FBXW2: variants seen among roughly 807,000 people sequenced by gnomAD.
FBXW2 encodes F-box/WD repeat-containing protein 2.
Under a neutral mutation model 46.0 loss-of-function variants are expected in FBXW2, and 12 were observed. The ratio of observed to expected loss-of-function variants is 0.26; its 90% confidence interval spans 0.17 to 0.42. The LOEUF (loss-of-function observed/expected upper bound fraction) is 0.42. Among genes scored for constraint, FBXW2 ranks in the 10% least tolerant of loss-of-function variants. The pLI, the probability that FBXW2 is intolerant of heterozygous loss-of-function variation, is 1.00. For missense variants in FBXW2, 360 were observed against 537.0 expected (o/e 0.67, Z 3.26); for synonymous variants, 203 against 209.6 (o/e 0.97, Z 0.27).
intron 7 of FBXW2, among the ~76,000 whole-genome samples, chr9:120,770,510 G>A (rs2044356903): frequency 1.3e-5 from 2 of 152,152 alleles, no homozygotes; most frequent in Non-Finnish European, 2.9e-5. Flanking sequence ...AGTACAGTAG[G>A]TTCAACAAAT....
At chr9:120,781,945 C>A in intron 3 of FBXW2, among the ~76,000 whole-genome samples, 1 of 150,658 alleles carries the variant, frequency 6.6e-6, no homozygotes. Flanking sequence ...ATTGCTTGAA[C>A]CCGGGAGGCG....
chr9:120,787,635 G>A lies in FBXW2; in HGVS notation c.490+134C>T, dbSNP rs1353558504. 4 of 870,122 alleles carry A rather than the reference G, an allele frequency of 4.6e-6. No individual in the cohort carries two copies. In the East Asian group the frequency reaches 1.1e-4, roughly 23 times the overall value. The allele number at this position is 870,122 out of a possible 1,614,324, so 53.9% of individuals were successfully genotyped here. On this transcript the variant is annotated intron_variant, in intron 3 of 7. Transcript: ENST00000608872. ...GAGGATAAGGGGGGGGAACCACTCA[G>A]GATTAGAGAAAAAAAGTCACTGTAC...
Position 120,776,068 on chromosome 9 carries a change from G to T in FBXW2, c.819+25C>A, listed in dbSNP as rs72758110. The stretch of plus-strand genomic sequence containing the variant: ...CCTCCCTCAAAAAGCCTGATAAGCA[G>T]GAGACTTCTTCCAAGTCTTCCTACC... On this transcript the variant is annotated intron_variant, in intron 5 of 7. Coordinates refer to ENST00000608872, the MANE Select transcript of FBXW2 (RefSeq NM_012164.4). 40,658 of 1,612,560 alleles carry T rather than the reference G, an allele frequency of 0.025. 3,183 individuals are homozygous for T. In the East Asian group the frequency reaches 0.34, roughly 14 times the overall value.
Position 120,771,363 on chromosome 9 carries a change from C to G in FBXW2, c.1061G>C (p.Ser354Thr), listed in dbSNP as rs761290792. Residue 354 changes from serine (S) to threonine (T), a missense_variant, in exon 7 of 8, where the codon AGT (serine) becomes ACT (threonine). By Grantham distance (58) the Ser-to-Thr change is moderately conservative. Coordinates refer to ENST00000608872, the MANE Select transcript of FBXW2 (RefSeq NM_012164.4). ...ALGLYQWDFA[S>T]YDILRVIKTP... is the part of the protein sequence containing the mutation. ...GAAACATTACCTGAGAATATCATAA[C>G]TGGCAAAGTCCCACTGGTAGAGACC... is the stretch of plus-strand genomic sequence containing the variant. 3.1e-6 allele frequency: 5 copies of G among 1,609,350 alleles called. No individual in the cohort carries two copies. The African/African-American group carries it at 6.7e-5, about 22-fold the overall frequency.
Position 120,762,017 on chromosome 9 carries a change from G to A in FBXW2, c.*2542C>T, listed in dbSNP as rs987682920. On this transcript the variant is annotated 3_prime_UTR_variant, in exon 8 of 8. Transcript: ENST00000608872. Reference sequence around the variant, plus strand: ...TAGGGTGGGGATGGTCATTAGATCAGTAATAGTTATCTGTTCAGGCTCGAT... The same window carrying A: ...TAGGGTGGGGATGGTCATTAGATCAATAATAGTTATCTGTTCAGGCTCGAT... 1.3e-5 allele frequency: 2 copies of A among 152,196 alleles called. No homozygotes were observed. Among genetic ancestry groups the A allele is most frequent in the Admixed American group, 1.3e-4 (2 of 15,284 alleles). The allele number at this position is 152,196 out of a possible 1,614,324, so 9.4% of individuals were successfully genotyped here.
At chr9:120,765,451 A>C (rs976943417) in intron 7 of FBXW2, among the ~76,000 whole-genome samples, 1 of 152,212 alleles carries the variant, frequency 6.6e-6, no homozygotes. Context: ...GATCTTACAG[A>C]TAACATTTAA....
intron 3 of FBXW2, among the ~76,000 whole-genome samples, chr9:120,785,847 C>G (rs1196532630): frequency 2.6e-5 from 4 of 151,762 alleles, no homozygotes; most frequent in Non-Finnish European, 5.9e-5. Flanking sequence ...AGGTGAAACT[C>G]CGCCTCTACT....
chr9:120,764,950 G>A, intron 7 of FBXW2, 103 bp from the exon 8 acceptor site: 1 of 948,666 alleles, frequency 1.1e-6, no homozygotes, highest in Non-Finnish European at 1.5e-6. Context: ...TTAAATTCAA[G>A]CAAATTTAGA....
intron 5 of FBXW2, 90 bp downstream of exon 5, chr9:120,776,003 C>A (rs759358090): frequency 3.8e-5 from 57 of 1,489,216 alleles, no homozygotes; most frequent in Non-Finnish European, 5.0e-5. Flanking sequence ...TCTTATGACT[C>A]ACCTAACACT....
intron 3 of FBXW2, among the ~76,000 whole-genome samples, chr9:120,779,229 T>C (rs1486703924): frequency 3.3e-5 from 5 of 152,240 alleles, no homozygotes; most frequent in Non-Finnish European, 7.3e-5. Context: ...AATTCTATAC[T>C]AATCATGGTG....
At position 120,771,367 on chromosome 9, in the gene FBXW2, C is replaced by G; in HGVS notation, c.1057G>C (p.Ala353Pro). The change falls in exon 7 of 8, where the codon GCC becomes CCC. Residue 353 changes from alanine (A) to proline (P), a missense_variant. Transcript: ENST00000608872. ...CATTACCTGAGAATATCATAACTGG[C>G]AAAGTCCCACTGGTAGAGACCAAGT... ...SALGLYQWDF[A>P]SYDILRVIKT... 1 of 1,609,892 alleles carries G rather than the reference C, an allele frequency of 6.2e-7. No homozygotes were observed. Among genetic ancestry groups the G allele is most frequent in the Non-Finnish European group, 8.5e-7 (1 of 1,178,864 alleles).
chr9:120,770,118 T>G (rs149772013), intron 7 of FBXW2, among the ~76,000 whole-genome samples: 2,647 of 152,284 alleles, frequency 0.017, 79 homozygotes, highest in African/African-American at 0.061. Context: ...GGCTCACGCA[T>G]GTAATCCCAG....
At chr9:120,767,984 C>A (rs779733082) in intron 7 of FBXW2, among the ~76,000 whole-genome samples, 1 of 152,208 alleles carries the variant, frequency 6.6e-6, no homozygotes, top group Non-Finnish European at 1.5e-5. Flanking sequence ...ATCAGTTAAC[C>A]TCACATACAA....
intron 3 of FBXW2, among the ~76,000 whole-genome samples, chr9:120,785,557 A>G (rs1376000490): frequency 6.6e-6 from 1 of 152,244 alleles, no homozygotes; most frequent in Non-Finnish European, 1.5e-5. Flanking sequence ...ATATCACCAC[A>G]TAATACATAC....
chr9:120,792,684 A>T (rs1438931624), intron 2 of FBXW2, among the ~76,000 whole-genome samples: 1 of 152,164 alleles, frequency 6.6e-6, no homozygotes, highest in South Asian at 2.1e-4. Flanking sequence ...CACCTGTCTC[A>T]TGCCCTGTTT....
rs982464613 is a variant in FBXW2, at chr9:120,760,274, A to C, written c.*4285T>G. The C allele has an allele frequency of 6.6e-6, 1 of 152,314 alleles. No individual in the cohort carries two copies. Among genetic ancestry groups the C allele is most frequent in the Non-Finnish European group, 1.5e-5 (1 of 68,134 alleles). 9.4% of individuals were successfully genotyped at this position (152,314 alleles called of 1,614,324 possible). On this transcript the variant is annotated 3_prime_UTR_variant, in exon 8 of 8. Coordinates refer to ENST00000608872, the MANE Select transcript of FBXW2 (RefSeq NM_012164.4). ...AGCAATCTGATTCTGCTCGCTTCCC[A>C]ACAGAGAAAGGCAAGTGGCTTCATA...
intron 3 of FBXW2, among the ~76,000 whole-genome samples, chr9:120,782,974 G>A (rs2044648039): frequency 6.6e-6 from 1 of 152,122 alleles, no homozygotes; most frequent in South Asian, 2.1e-4. Flanking sequence ...AGTTTGGGAA[G>A]ATGTAAAGTT....
chr9:120,784,474 T>C (rs568029204), intron 3 of FBXW2, among the ~76,000 whole-genome samples: 4 of 151,386 alleles, frequency 2.6e-5, no homozygotes, highest in East Asian at 3.9e-4. Context: ...GATCCAGGCA[T>C]AGGGTTGCTC....
chr9:120,784,980 C>T (rs1239030138), intron 3 of FBXW2, among the ~76,000 whole-genome samples: 1 of 149,028 alleles, frequency 6.7e-6, no homozygotes, highest in Admixed American at 6.7e-5. Context: ...CCAGTAGGAG[C>T]TCCAAGCTCC....
Sources: gnomAD v4.1 joint callset for allele counts (sites outside exome capture counted in the v4.1 genomes callset) on GRCh38, gnomAD v4.1.1 for gene constraint, MANE v1.5 for transcripts, NCBI Gene and HGNC (gene_info 2026-07-23, HGNC 2026-07-21) for gene names.